Variants in SGCZ observed in about 807,000 individuals in gnomAD.
The protein encoded by SGCZ is sarcoglycan zeta.
SGCZ carries 40 observed loss-of-function variants against 41.3 expected under a neutral mutation model. The observed-to-expected ratio is 0.97, with a 90% CI of 0.75 to 1.26. The LOEUF (loss-of-function observed/expected upper bound fraction) is 1.26, where lower values mean the gene tolerates loss of function less well. Among genes scored for constraint, SGCZ ranks in the 50% most tolerant of loss-of-function variants. The pLI, the probability that SGCZ is intolerant of heterozygous loss-of-function variation, is 0.00. For missense variants in SGCZ, 552 were observed against 369.8 expected (o/e 1.49, Z -4.04); for synonymous variants, 206 against 137.5 (o/e 1.50, Z -3.49).
At chr8:14,913,896 G>A (rs1489283364) in intron 1 of SGCZ, among the ~76,000 whole-genome samples, 1 of 151,870 alleles carries the variant, frequency 6.6e-6, no homozygotes. Flanking sequence ...AATGATAAAA[G>A]CAAAACTATT....
intron 1 of SGCZ, among the ~76,000 whole-genome samples, chr8:15,171,353 A>C (rs1404065821): frequency 2.6e-5 from 4 of 152,232 alleles, no homozygotes; most frequent in East Asian, 1.9e-4. Context: ...GAGTAGCTGG[A>C]AACAGATCTA....
chr8:15,225,865 C>T (rs909834961), intron 1 of SGCZ, among the ~76,000 whole-genome samples: 14 of 152,168 alleles, frequency 9.2e-5, no homozygotes, highest in African/African-American at 2.4e-4. Flanking sequence ...CATTTTCTTA[C>T]GAAATACCTC....
At chr8:14,302,564 T>A (rs1369358055) in intron 3 of SGCZ, among the ~76,000 whole-genome samples, 1 of 152,106 alleles carries the variant, frequency 6.6e-6, no homozygotes, top group Non-Finnish European at 1.5e-5. Flanking sequence ...CAATTGCCAT[T>A]TACTCAGAGA....
intron 1 of SGCZ, among the ~76,000 whole-genome samples, chr8:15,196,857 G>C (rs1436359841): frequency 2.0e-5 from 3 of 152,202 alleles, no homozygotes; most frequent in Non-Finnish European, 4.4e-5. Context: ...CAGCTGCCAG[G>C]TGAGAGGGGC....
intron 1 of SGCZ, among the ~76,000 whole-genome samples, chr8:15,067,958 C>G (rs1805212173): frequency 6.6e-6 from 1 of 152,070 alleles, no homozygotes; most frequent in East Asian, 1.9e-4. Flanking sequence ...TTTAGAAAAG[C>G]CATGTTAATT....
At chr8:14,803,164 C>G (rs907259079) in intron 1 of SGCZ, among the ~76,000 whole-genome samples, 3 of 152,114 alleles carry the variant, frequency 2.0e-5, no homozygotes, top group Admixed American at 1.3e-4. Context: ...GCATATGAAT[C>G]ATTTATTTTT....
At chr8:14,682,726 A>G (rs1327574177) in intron 1 of SGCZ, among the ~76,000 whole-genome samples, 1 of 152,122 alleles carries the variant, frequency 6.6e-6, no homozygotes, top group African/African-American at 2.4e-5. Flanking sequence ...GAGCCACCAT[A>G]AACCATGCAC....
At chr8:14,364,129 A>C (rs1803620079) in intron 2 of SGCZ, among the ~76,000 whole-genome samples, 1 of 152,184 alleles carries the variant, frequency 6.6e-6, no homozygotes, top group Non-Finnish European at 1.5e-5. Flanking sequence ...TTTTGTGTAT[A>C]AAATGTGTTT....
In SGCZ at chr8:14,801,792, G is replaced by A. The variant is rs192822833; in HGVS notation, c.40-246866C>T. On this transcript the variant is annotated intron_variant, in intron 1 of 7. Coordinates refer to ENST00000382080, the MANE Select transcript of SGCZ (RefSeq NM_139167.4). ...AAAAAATCAAAATGTTCTGAGGTAA[G>A]GAAAAAGAGCACCAAATTTTTATGT... is the stretch of plus-strand genomic sequence containing the variant. 2.0e-5 allele frequency among the ~76,000 whole-genome samples: 3 copies of A among 152,016 alleles called. No homozygotes were observed. In the South Asian group the frequency reaches 6.2e-4, roughly 32 times the overall value.
At chr8:14,908,865 A>T (rs947394229) in intron 1 of SGCZ, among the ~76,000 whole-genome samples, 1 of 151,896 alleles carries the variant, frequency 6.6e-6, no homozygotes, top group African/African-American at 2.4e-5. Flanking sequence ...TACTGCATTT[A>T]TATGCGACGA....
intron 4 of SGCZ, among the ~76,000 whole-genome samples, chr8:14,212,293 G>A (rs897912971): frequency 1.3e-5 from 2 of 151,886 alleles, no homozygotes; most frequent in African/African-American, 4.8e-5. Context: ...ACCTACCAGG[G>A]GAGCAACTCT....
intron 1 of SGCZ, among the ~76,000 whole-genome samples, chr8:14,928,790 G>C (rs1373908386): frequency 6.6e-6 from 1 of 152,210 alleles, no homozygotes; most frequent in East Asian, 1.9e-4. Flanking sequence ...TGACAGCTTT[G>C]CGTATGTAAT....
intron 2 of SGCZ, 89 bp from the exon 3 acceptor site, chr8:14,324,293 G>A: frequency 2.3e-6 from 2 of 883,798 alleles, no homozygotes; most frequent in Non-Finnish European, 3.7e-6. Context: ...TGAGAAAACA[G>A]TGAGCTCAAA....
At chr8:15,161,078 G>A (rs1355050731) in intron 1 of SGCZ, among the ~76,000 whole-genome samples, 2 of 152,066 alleles carry the variant, frequency 1.3e-5, no homozygotes, top group Non-Finnish European at 2.9e-5. Flanking sequence ...AGATCTTGCA[G>A]TGGCCTCTCA....
intron 5 of SGCZ, among the ~76,000 whole-genome samples, chr8:14,136,854 G>A (rs1021423105): frequency 6.6e-6 from 1 of 152,162 alleles, no homozygotes; most frequent in Admixed American, 6.6e-5. Context: ...CTCCTCAAGT[G>A]GGTCCCCGAC....
intron 1 of SGCZ, among the ~76,000 whole-genome samples, chr8:15,219,345 G>C (rs1029823189): frequency 4.6e-5 from 7 of 152,152 alleles, no homozygotes; most frequent in Non-Finnish European, 1.0e-4. Context: ...ACTGTGCTCA[G>C]TTAAAATACA....
At chr8:14,689,368 T>C (rs1053694768) in intron 1 of SGCZ, among the ~76,000 whole-genome samples, 13 of 152,162 alleles carry the variant, frequency 8.5e-5, no homozygotes, top group Non-Finnish European at 1.5e-4. Context: ...ACAAATACAT[T>C]GTTTAATGCA....
chr8:14,241,250 A>G (rs917004700), intron 3 of SGCZ, among the ~76,000 whole-genome samples: 1 of 151,876 alleles, frequency 6.6e-6, no homozygotes, highest in African/African-American at 2.4e-5. Context: ...ATTTAAATAG[A>G]CATAGTAGTA....
chr8:15,178,768 C>A (rs17575615), intron 1 of SGCZ, among the ~76,000 whole-genome samples: 1 of 151,372 alleles, frequency 6.6e-6, no homozygotes, highest in Non-Finnish European at 1.5e-5. Context: ...GGAATAATTA[C>A]GAAGACTGAG....
Sources: gnomAD v4.1 joint callset for allele counts (sites outside exome capture counted in the v4.1 genomes callset) on GRCh38, gnomAD v4.1.1 for gene constraint, MANE v1.5 for transcripts, NCBI Gene and HGNC (gene_info 2026-07-23, HGNC 2026-07-21) for gene names.